Variants in TSPAN18 observed in about 807,000 individuals in gnomAD.
The protein encoded by TSPAN18 is tetraspanin 18, also known as tetraspanin-18.
TSPAN18 carries 14 observed loss-of-function variants against 27.3 expected under a neutral mutation model. The ratio of observed to expected loss-of-function variants is 0.51; its 90% CI spans 0.34 to 0.80. TSPAN18 has a LOEUF of 0.80. TSPAN18 is among the 30% of genes least tolerant of loss of function. TSPAN18 has a pLI of 0.01. For missense variants in TSPAN18, 268 were observed against 323.9 expected (o/e 0.83, Z 1.32); for synonymous variants, 143 against 136.5 (o/e 1.05, Z -0.33).
intron 2 of TSPAN18, among the ~76,000 whole-genome samples, chr11:44,802,478 T>C (rs1253154028): frequency 6.6e-6 from 1 of 152,158 alleles, no homozygotes; most frequent in Non-Finnish European, 1.5e-5. Flanking sequence ...AATAAATCCC[T>C]CTGGCTGCTG....
At chr11:44,921,664 T>A (rs1860141597) in intron 8 of TSPAN18, among the ~76,000 whole-genome samples, 1 of 152,178 alleles carries the variant, frequency 6.6e-6, no homozygotes, top group Non-Finnish European at 1.5e-5. Context: ...TACAGTTCCA[T>A]GGCATACAGC....
At chr11:44,807,777 C>T (rs1214896678) in intron 2 of TSPAN18, among the ~76,000 whole-genome samples, 2 of 152,168 alleles carry the variant, frequency 1.3e-5, no homozygotes, top group African/African-American at 2.4e-5. Flanking sequence ...TGCCTTTGGA[C>T]ATCAGTTTCC....
intron 1 of TSPAN18, among the ~76,000 whole-genome samples, chr11:44,730,125 G>A (rs948601049): frequency 2.0e-5 from 3 of 151,864 alleles, no homozygotes; most frequent in African/African-American, 4.8e-5. Context: ...CTCTCTGCCC[G>A]CCTGTACACA....
intron 2 of TSPAN18, among the ~76,000 whole-genome samples, chr11:44,775,762 C>T (rs190618190): frequency 8.9e-4 from 135 of 152,232 alleles, no homozygotes; most frequent in Non-Finnish European, 1.8e-3. Flanking sequence ...CTATAGAGGT[C>T]GATGACATCT....
chr11:44,821,824 C>T (rs560287823), intron 2 of TSPAN18, among the ~76,000 whole-genome samples: 3 of 152,176 alleles, frequency 2.0e-5, no homozygotes, highest in East Asian at 1.9e-4. Flanking sequence ...GAAAGAGTCA[C>T]GAGGAATCAG....
At chr11:44,892,849 C>T (rs1295364019) in intron 3 of TSPAN18, among the ~76,000 whole-genome samples, 1 of 152,234 alleles carries the variant, frequency 6.6e-6, no homozygotes, top group Non-Finnish European at 1.5e-5. Flanking sequence ...ATCTGTAAAA[C>T]ATGACTGCTC....
Position 44,931,057 on chromosome 11 carries a change from T to C in TSPAN18, c.*1879T>C. The C allele has an allele frequency of 2.4e-6, 1 of 418,974 alleles. No individual in the cohort carries two copies. Among genetic ancestry groups the C allele is most frequent in the South Asian group, 1.7e-5 (1 of 57,242 alleles). The allele number at this position is 418,974 out of a possible 1,614,324, so 26.0% of individuals were successfully genotyped here. On this transcript the variant is annotated 3_prime_UTR_variant, in exon 10 of 10. Coordinates refer to ENST00000520358, the MANE Select transcript of TSPAN18 (RefSeq NM_130783.5). ...CTGCAAAGATTCAGGTGGACCCTCC[T>C]CTAATCTCCTCCTGCTGTGCCCGCC...
chr11:44,780,212 A>G (rs866830049), intron 2 of TSPAN18, among the ~76,000 whole-genome samples: 52 of 152,286 alleles, frequency 3.4e-4, no homozygotes, highest in Middle Eastern at 6.8e-3. Flanking sequence ...ACACACACAC[A>G]CATGCACACA....
chr11:44,727,463 G>T (rs1248278665), intron 1 of TSPAN18, among the ~76,000 whole-genome samples, 176 bp downstream of exon 1: 1 of 152,202 alleles, frequency 6.6e-6, no homozygotes, highest in Non-Finnish European at 1.5e-5. Flanking sequence ...TAGCACGCGG[G>T]GGCTGGGGGG....
intron 2 of TSPAN18, among the ~76,000 whole-genome samples, chr11:44,833,435 CT>C (rs1374676016): frequency 1.3e-5 from 2 of 151,448 alleles, no homozygotes; most frequent in East Asian, 3.9e-4. Flanking sequence ...AGAGCTTTAC[CT>C]TCCACCTCCT....
At chr11:44,801,437 T>C (rs950688543) in intron 2 of TSPAN18, among the ~76,000 whole-genome samples, 2 of 152,196 alleles carry the variant, frequency 1.3e-5, no homozygotes, top group Admixed American at 6.5e-5. Flanking sequence ...TATAGGTATC[T>C]CCTTATCTGC....
intron 3 of TSPAN18, among the ~76,000 whole-genome samples, chr11:44,890,250 A>C (rs1422716343): frequency 6.6e-6 from 1 of 152,270 alleles, no homozygotes; most frequent in Non-Finnish European, 1.5e-5. Context: ...TGTATTCCAT[A>C]GAACTCAAGG....
chr11:44,823,977 G>T (rs1292934530), intron 2 of TSPAN18, among the ~76,000 whole-genome samples: 1 of 152,118 alleles, frequency 6.6e-6, no homozygotes, highest in Non-Finnish European at 1.5e-5. Context: ...TCTCTGGAAA[G>T]AGGTACTAGA....
intron 2 of TSPAN18, among the ~76,000 whole-genome samples, chr11:44,777,481 C>T (rs774894614): frequency 1.1e-4 from 16 of 152,128 alleles, no homozygotes; most frequent in Non-Finnish European, 2.4e-4. Flanking sequence ...TCCCAGGACC[C>T]CTCCGGAATT....
intron 2 of TSPAN18, among the ~76,000 whole-genome samples, chr11:44,776,121 G>T (rs1385249564): frequency 6.6e-6 from 1 of 152,208 alleles, no homozygotes; most frequent in Admixed American, 6.5e-5. Context: ...CAGTTATTGG[G>T]CTTTACAGCC....
intron 3 of TSPAN18, among the ~76,000 whole-genome samples, chr11:44,899,650 G>C (rs572595005): frequency 6.6e-6 from 1 of 152,322 alleles, no homozygotes; most frequent in African/African-American, 2.4e-5. Flanking sequence ...ATGAGGGACT[G>C]TACCTCTATG....
At chr11:44,742,291 C>T (rs1590408471) in intron 1 of TSPAN18, among the ~76,000 whole-genome samples, 1 of 95,184 alleles carries the variant, frequency 1.1e-5, no homozygotes. Flanking sequence ...CTTCTTTCTT[C>T]CCTCCCTCCC....
chr11:44,908,459 C>T (rs949701503), intron 4 of TSPAN18, among the ~76,000 whole-genome samples: 3 of 151,954 alleles, frequency 2.0e-5, no homozygotes, highest in African/African-American at 4.8e-5. Flanking sequence ...ATAGGCTGGG[C>T]GCAGTGGCTC....
chr11:44,818,011 C>T (rs546445902), intron 2 of TSPAN18, among the ~76,000 whole-genome samples: 1 of 152,338 alleles, frequency 6.6e-6, no homozygotes, highest in African/African-American at 2.4e-5. Flanking sequence ...GCTGAGATCA[C>T]CTATCCAGGA....
Sources: allele counts gnomAD v4.1 joint callset (sites outside exome capture counted in the v4.1 genomes callset), GRCh38; gene constraint gnomAD v4.1.1; transcripts MANE v1.5; gene names NCBI Gene and HGNC (gene_info 2026-07-23, HGNC 2026-07-21).